TBL1X: variants seen among roughly 807,000 people sequenced by gnomAD.
TBL1X encodes transducin beta like 1 X-linked, also known as F-box-like/WD repeat-containing protein TBL1X.
In TBL1X, 10 loss-of-function variants were observed where a neutral mutation model predicts 50.7. The ratio of observed to expected loss-of-function variants is 0.20; its 90% CI spans 0.12 to 0.33. The LOEUF is 0.33. Among genes scored for constraint, TBL1X ranks in the 10% least tolerant of loss-of-function variants. TBL1X has a pLI of 1.00. For synonymous variants in TBL1X, 190 were observed against 214.7 expected, an observed-to-expected ratio of 0.88 and a Z score of 1.01; for missense variants, 340 against 504.4, an observed-to-expected ratio of 0.67 and a Z score of 3.12.
intron 5 of TBL1X, among the ~76,000 whole-genome samples, chrX:9,659,153 A>T (rs1234519736): frequency 8.9e-6 from 1 of 111,792 alleles, no homozygotes; most frequent in Non-Finnish European, 1.9e-5. Context: ...GAAGTAGAAG[A>T]TACTGTCTGA....
intron 2 of TBL1X, among the ~76,000 whole-genome samples, chrX:9,515,790 G>GA (rs2082078649): frequency 1.8e-5 from 2 of 111,748 alleles, no homozygotes; most frequent in South Asian, 7.5e-4. Context: ...TGGGCTAAAC[G>GA]AAAAAGGGTT....
At chrX:9,494,917 A>G (rs1487172508) in intron 1 of TBL1X, among the ~76,000 whole-genome samples, 1 of 111,986 alleles carries the variant, frequency 8.9e-6, no homozygotes, top group East Asian at 2.8e-4. Context: ...CTGTTTCATA[A>G]CCAATGCTTG....
chrX:9,665,216 T>TG (rs2082920380), intron 5 of TBL1X, among the ~76,000 whole-genome samples: 2 of 107,992 alleles, frequency 1.9e-5, no homozygotes, highest in Non-Finnish European at 3.8e-5. Flanking sequence ...AAGGAGAAAG[T>TG]CTGCCAAAAG....
At chrX:9,616,413 A>T (rs952067250) in intron 2 of TBL1X, among the ~76,000 whole-genome samples, 1 of 111,940 alleles carries the variant, frequency 8.9e-6, no homozygotes, top group Non-Finnish European at 1.9e-5. Flanking sequence ...AAAGAAAAAA[A>T]ACACTCTTTA....
intron 2 of TBL1X, among the ~76,000 whole-genome samples, chrX:9,620,843 G>T (rs1164842246): frequency 8.9e-6 from 1 of 111,898 alleles, no homozygotes; most frequent in Admixed American, 9.5e-5. Context: ...GCTGGCTGAG[G>T]GACGGACTGT....
At chrX:9,495,260 G>A (rs2081965766) in intron 1 of TBL1X, among the ~76,000 whole-genome samples, 1 of 111,759 alleles carries the variant, frequency 8.9e-6, no homozygotes, top group Non-Finnish European at 1.9e-5. Flanking sequence ...ATGTAGCCCT[G>A]ATTTAGTAGA....
chrX:9,512,215 A>G (rs182304551), intron 2 of TBL1X, among the ~76,000 whole-genome samples: 141 of 111,114 alleles, frequency 1.3e-3, no homozygotes, highest in Non-Finnish European at 2.2e-3. Context: ...GAAATCGTTG[A>G]TGTGTGCCAA....
upstream of TBL1X, among the ~76,000 whole-genome samples, chrX:9,464,115 G>A (rs1250741221): frequency 9.0e-6 from 1 of 111,723 alleles, no homozygotes; most frequent in African/African-American, 3.3e-5. Context: ...GTGCTGGGGA[G>A]GGGGAGTGGA....
chrX:9,509,158 C>A (rs766767824), intron 2 of TBL1X, among the ~76,000 whole-genome samples: 330 of 107,274 alleles, frequency 3.1e-3, no homozygotes, highest in Non-Finnish European at 5.5e-3. Context: ...GAGGCCAAGG[C>A]GGACGGATCA....
At chrX:9,676,754 C>T (rs928755398) in intron 5 of TBL1X, among the ~76,000 whole-genome samples, 1 of 111,663 alleles carries the variant, frequency 9.0e-6, no homozygotes, top group Admixed American at 9.5e-5. Flanking sequence ...GGGTTTTTTT[C>T]ATATAAACAC....
intron 2 of TBL1X, among the ~76,000 whole-genome samples, chrX:9,568,283 GTGTC>G (rs962993918): frequency 1.3e-4 from 14 of 110,363 alleles, no homozygotes; most frequent in Admixed American, 1.9e-4. Context: ...TGTGTTGCAT[GTGTC>G]TGTCTGTACT....
At chrX:9,674,991 G>C (rs890638736) in intron 5 of TBL1X, among the ~76,000 whole-genome samples, 2 of 111,736 alleles carry the variant, frequency 1.8e-5, no homozygotes, top group Non-Finnish European at 3.8e-5. Context: ...ATACCTGTTA[G>C]TTTACGAGTT....
At chrX:9,491,339 T>TATATA (rs1491249258) in intron 1 of TBL1X, among the ~76,000 whole-genome samples, 17 of 19,219 alleles carry the variant, frequency 8.8e-4, no homozygotes, top group South Asian at 3.7e-3. Context: ...TATATATATA[T>TATATA]TTTTTTTTTT....
At chrX:9,696,659 G>T (rs1300229823) in intron 11 of TBL1X, among the ~76,000 whole-genome samples, 1 of 112,757 alleles carries the variant, frequency 8.9e-6, no homozygotes, top group Admixed American at 9.4e-5. Flanking sequence ...TTCATGGAGG[G>T]ATGGGCAGAG....
chrX:9,495,955 G>GTACTGATTTTGGAGC (rs1320195615), intron 1 of TBL1X, among the ~76,000 whole-genome samples: 3 of 112,427 alleles, frequency 2.7e-5, no homozygotes, highest in Admixed American at 9.4e-5. Flanking sequence ...AGCGCTGCAG[G>GTACTGATTTTGGAGC]TACTGATTTT....
rs183594362 is a variant in TBL1X at position 9,493,057 on chromosome X, G to A, written c.-200-8723G>A. Among the ~76,000 whole-genome samples, 18 of 111,314 alleles carry A rather than the reference G, an allele frequency of 1.6e-4. No homozygotes were observed. In the East Asian group the frequency reaches 2.0e-3, roughly 12 times the overall value. Reference sequence around the variant, plus strand: ...TGGGAGTGTGATAGAGAGATATTCCGCTGGTTATTTCCCTCCACCTGCTTC... The same window carrying A: ...TGGGAGTGTGATAGAGAGATATTCCACTGGTTATTTCCCTCCACCTGCTTC... On this transcript the variant is annotated intron_variant, in intron 1 of 17. Transcript: ENST00000645353.
intron 2 of TBL1X, among the ~76,000 whole-genome samples, chrX:9,570,967 G>A (rs1455925297): frequency 6.3e-5 from 7 of 111,920 alleles, no homozygotes; most frequent in Admixed American, 3.8e-4. Context: ...GTGAGCCACC[G>A]CGCCCGGCCC....
At chrX:9,694,916 G>A (rs1040605771) in intron 11 of TBL1X, among the ~76,000 whole-genome samples, 2 of 110,223 alleles carry the variant, frequency 1.8e-5, no homozygotes, top group African/African-American at 3.3e-5. Context: ...CCCAGATCGC[G>A]CCACTGCACT....
intron 2 of TBL1X, among the ~76,000 whole-genome samples, chrX:9,513,580 C>T (rs1487529030): frequency 9.0e-6 from 1 of 111,472 alleles, no homozygotes; most frequent in African/African-American, 3.3e-5. Context: ...CAGTTGGATT[C>T]AACAGATGTT....
Sources: allele counts gnomAD v4.1 joint callset (sites outside exome capture counted in the v4.1 genomes callset), GRCh38; gene constraint gnomAD v4.1.1; transcripts MANE v1.5; gene names NCBI Gene and HGNC (gene_info 2026-07-23, HGNC 2026-07-21).